Variants in SNX29 observed in about 807,000 individuals in gnomAD.
The protein encoded by SNX29 is sorting nexin 29, also known as sorting nexin-29.
A neutral mutation model predicts 102.1 loss-of-function variants in SNX29; 78 were observed. The observed-to-expected ratio is 0.76, with a 90% CI of 0.64 to 0.92. SNX29 has a LOEUF of 0.92. SNX29 is among the 40% of genes least tolerant of loss of function. The pLI is 0.00. For synonymous variants in SNX29, 580 were observed against 414.5 expected (o/e 1.40, Z -4.85); for missense variants, 1,280 against 1,061.7 (o/e 1.21, Z -2.86).
intron 14 of SNX29, among the ~76,000 whole-genome samples, chr16:12,229,726 C>G (rs565184260): frequency 3.3e-5 from 5 of 152,060 alleles, no homozygotes; most frequent in African/African-American, 1.2e-4. Flanking sequence ...GGTTGCTGTT[C>G]TTGGGGTAGT....
intron 20 of SNX29, chr16:12,526,692 A>C: frequency 2.0e-6 from 1 of 500,840 alleles, no homozygotes; most frequent in Non-Finnish European, 3.8e-6. Context: ...TTCCCTGGTG[A>C]AAACTGAGTT....
chr16:12,489,968 G>A (rs1416209451), intron 19 of SNX29, among the ~76,000 whole-genome samples: 2 of 152,088 alleles, frequency 1.3e-5, no homozygotes, highest in African/African-American at 4.8e-5. Context: ...ACCATGCATG[G>A]CTAATTTCTG....
At chr16:11,992,076 T>C (rs1036989401) in intron 1 of SNX29, among the ~76,000 whole-genome samples, 7 of 152,038 alleles carry the variant, frequency 4.6e-5, no homozygotes, top group African/African-American at 1.5e-4. Flanking sequence ...AGGAGGATCA[T>C]TTGAGGCCAG....
At chr16:12,397,382 G>A (rs998960833) in intron 16 of SNX29, among the ~76,000 whole-genome samples, 3 of 152,158 alleles carry the variant, frequency 2.0e-5, no homozygotes, top group African/African-American at 7.2e-5. Context: ...GTGTGACCTT[G>A]GGCAAGTTTT....
At chr16:12,369,982 T>C (rs933338609) in intron 16 of SNX29, among the ~76,000 whole-genome samples, 3 of 152,058 alleles carry the variant, frequency 2.0e-5, no homozygotes, top group East Asian at 3.9e-4. Flanking sequence ...TTTGGGAGGC[T>C]GAGGTGGGCT....
At chr16:11,978,945 AAAAC>A (rs565180108) in intron 1 of SNX29, among the ~76,000 whole-genome samples, 4 of 151,630 alleles carry the variant, frequency 2.6e-5, no homozygotes, top group East Asian at 1.9e-4. Flanking sequence ...AACAAACAAA[AAAAC>A]AAAAGAAAGA....
chr16:12,444,344 T>C (rs188745982), intron 18 of SNX29, among the ~76,000 whole-genome samples: 1 of 152,168 alleles, frequency 6.6e-6, no homozygotes. Context: ...CAAAGCTATT[T>C]GCTGCTGTGC....
chr16:12,003,502 A>G (rs191506087), intron 3 of SNX29, among the ~76,000 whole-genome samples: 7 of 152,296 alleles, frequency 4.6e-5, no homozygotes, highest in Admixed American at 3.3e-4. Context: ...AAAATTACAT[A>G]TATAGTAAAA....
chr16:12,475,595 C>G (rs554938968), intron 18 of SNX29, among the ~76,000 whole-genome samples: 1 of 152,176 alleles, frequency 6.6e-6, no homozygotes, highest in Non-Finnish European at 1.5e-5. Flanking sequence ...ATAGCTCAGC[C>G]TAGTCTACCT....
chr16:12,304,365 C>G (rs910387549), intron 15 of SNX29, among the ~76,000 whole-genome samples: 63 of 152,200 alleles, frequency 4.1e-4, no homozygotes, highest in African/African-American at 1.5e-3. Flanking sequence ...CTCTGCCTCC[C>G]AGGTTCAAGC....
chr16:12,543,820 G>C, intron 20 of SNX29, among the ~76,000 whole-genome samples: 1 of 152,214 alleles, frequency 6.6e-6, no homozygotes, highest in East Asian at 1.9e-4. Flanking sequence ...CATGAGACAG[G>C]GACACCTTCG....
intron 20 of SNX29, among the ~76,000 whole-genome samples, chr16:12,525,715 A>T (rs961041182): frequency 8.7e-6 from 1 of 115,520 alleles, no homozygotes; most frequent in Non-Finnish European, 1.7e-5. Flanking sequence ...CCCCCAAAAA[A>T]AAGAAAAAAT....
At chr16:12,277,322 C>T (rs1027140785) in intron 14 of SNX29, among the ~76,000 whole-genome samples, 1 of 152,046 alleles carries the variant, frequency 6.6e-6, no homozygotes, top group Non-Finnish European at 1.5e-5. Context: ...ATCGTTTGAG[C>T]CCAGGAGTTC....
At chr16:12,532,166 C>T (rs887904117) in intron 20 of SNX29, among the ~76,000 whole-genome samples, 1 of 152,194 alleles carries the variant, frequency 6.6e-6, no homozygotes, top group East Asian at 1.9e-4. Flanking sequence ...GTTCCTGGCT[C>T]TGTCTACTGC....
intron 14 of SNX29, among the ~76,000 whole-genome samples, chr16:12,241,650 T>C (rs759074531): frequency 9.2e-5 from 14 of 152,058 alleles, no homozygotes; most frequent in Non-Finnish European, 2.1e-4. Context: ...TTAGTAGAGA[T>C]GGGGTTTCAC....
chr16:12,080,622 C>T (rs553220507), intron 11 of SNX29, among the ~76,000 whole-genome samples: 4 of 152,200 alleles, frequency 2.6e-5, no homozygotes, highest in Non-Finnish European at 5.9e-5. Context: ...TCAAGCGATC[C>T]ACCCGCCTCA....
chr16:12,283,483 C>A (rs1596751870), intron 15 of SNX29, among the ~76,000 whole-genome samples: 1 of 152,016 alleles, frequency 6.6e-6, no homozygotes, highest in East Asian at 1.9e-4. Context: ...CCATGCCCAG[C>A]TAATTTTTGT....
intron 18 of SNX29, among the ~76,000 whole-genome samples, chr16:12,419,413 C>T (rs2084779334): frequency 1.3e-5 from 2 of 152,198 alleles, no homozygotes; most frequent in Admixed American, 6.5e-5. Context: ...TCAAGACACT[C>T]ATTCCCCATT....
At chr16:12,229,420 G>C (rs16959078) in intron 14 of SNX29, among the ~76,000 whole-genome samples, 10,930 of 152,174 alleles carry the variant, frequency 0.072, 1,175 homozygotes, top group African/African-American at 0.23. Flanking sequence ...GCGGCTAAGC[G>C]AAGAAAAAGA....
Sources: allele counts gnomAD v4.1 joint callset (sites outside exome capture counted in the v4.1 genomes callset), GRCh38; gene constraint gnomAD v4.1.1; transcripts MANE v1.5; gene names NCBI Gene and HGNC (gene_info 2026-07-23, HGNC 2026-07-21).